Variants in SMG6 observed in about 807,000 individuals in gnomAD.
The protein encoded by SMG6 is SMG6 nonsense mediated mRNA decay factor, also known as telomerase-binding protein EST1A.
A neutral mutation model predicts 142.2 loss-of-function variants in SMG6; 66 were observed. The observed-to-expected ratio is 0.46, with a 90% confidence interval of 0.38 to 0.57. The LOEUF (loss-of-function observed/expected upper bound fraction) is 0.57, where lower values mean the gene tolerates loss of function less well. Among genes scored for constraint, SMG6 ranks in the 20% least tolerant of loss-of-function variants. The pLI is 0.00. For synonymous variants in SMG6, 779 were observed against 702.4 expected, an observed-to-expected ratio of 1.11 and a Z score of -1.72; for missense variants, 1,793 against 1,832.0, an observed-to-expected ratio of 0.98 and a Z score of 0.39.
At chr17:2,240,147 T>C (rs1454881746) in intron 9 of SMG6, 5 of 152,188 alleles carry the variant, frequency 3.3e-5, no homozygotes, top group Admixed American at 3.3e-4. Flanking sequence ...GAAGATACCA[T>C]CGTTTTCGGG....
At chr17:2,260,487 A>G (rs909859011) in intron 8 of SMG6, among the ~76,000 whole-genome samples, 1 of 152,218 alleles carries the variant, frequency 6.6e-6, no homozygotes, top group Non-Finnish European at 1.5e-5. Flanking sequence ...TCTGTAGTTC[A>G]AAAGTCAAAG....
At chr17:2,190,975 C>T (rs1298202641) in intron 10 of SMG6, among the ~76,000 whole-genome samples, 1 of 152,142 alleles carries the variant, frequency 6.6e-6, no homozygotes, top group Non-Finnish European at 1.5e-5. Context: ...GGCCATGTTA[C>T]CTAGAGCACC....
At chr17:2,091,611 G>A (rs1209633677) in intron 13 of SMG6, among the ~76,000 whole-genome samples, 1 of 151,922 alleles carries the variant, frequency 6.6e-6, no homozygotes, top group East Asian at 1.9e-4. Context: ...CCCTACCCCT[G>A]CTATAGCTGG....
At chr17:2,239,240 A>G (rs972838627) in intron 9 of SMG6, among the ~76,000 whole-genome samples, 1 of 152,218 alleles carries the variant, frequency 6.6e-6, no homozygotes, top group Non-Finnish European at 1.5e-5. Context: ...GAGGGCACAG[A>G]GTTAAAAGAA....
At chr17:2,230,338 G>GAAAAAAA (rs2073452742) in intron 10 of SMG6, among the ~76,000 whole-genome samples, 10 of 10,584 alleles carry the variant, frequency 9.4e-4, no homozygotes, top group African/African-American at 2.7e-3. Flanking sequence ...AAAAAAAAAG[G>GAAAAAAA]GAAAACCACA....
At chr17:2,095,846 A>AC (rs2068842533) in intron 13 of SMG6, among the ~76,000 whole-genome samples, 14 of 35,820 alleles carry the variant, frequency 3.9e-4, no homozygotes, top group South Asian at 2.6e-3. Flanking sequence ...TCGCCCACCC[A>AC]CCCCTCCCCC....
chr17:2,266,575 G>A (rs1448849765), intron 8 of SMG6, among the ~76,000 whole-genome samples: 2 of 152,214 alleles, frequency 1.3e-5, no homozygotes, highest in Non-Finnish European at 2.9e-5. Context: ...ACCCCAGAAA[G>A]ATGAAGAGTG....
At chr17:2,105,197 G>C (rs2069122922) in intron 13 of SMG6, among the ~76,000 whole-genome samples, 1 of 150,266 alleles carries the variant, frequency 6.7e-6, no homozygotes, top group Admixed American at 6.6e-5. Flanking sequence ...AAAGTGCTGG[G>C]ATTACAGGCG....
chr17:2,194,049 C>T (rs1228337432), intron 10 of SMG6, among the ~76,000 whole-genome samples: 1 of 152,200 alleles, frequency 6.6e-6, no homozygotes, highest in Non-Finnish European at 1.5e-5. Context: ...CCTCGGTCTC[C>T]CAAAGTGCTG....
intron 14 of SMG6, among the ~76,000 whole-genome samples, chr17:2,082,485 G>C (rs2068451758): frequency 6.6e-6 from 1 of 152,226 alleles, no homozygotes; most frequent in African/African-American, 2.4e-5. Flanking sequence ...CCTCGCCCTG[G>C]TTTCTTTTGA....
At chr17:2,212,667 A>C (rs2151749563) in intron 10 of SMG6, 1 of 152,416 alleles carries the variant, frequency 6.6e-6, no homozygotes, top group Admixed American at 6.5e-5. Context: ...CATAGGCATC[A>C]ACCGGGGATG....
At chr17:2,066,566 C>T (rs930600307) in intron 16 of SMG6, among the ~76,000 whole-genome samples, 9 of 150,184 alleles carry the variant, frequency 6.0e-5, no homozygotes, top group Non-Finnish European at 8.9e-5. Flanking sequence ...CTCAGGGAGC[C>T]GGCGTGAGCA....
chr17:2,194,515 T>A (rs1227647962), intron 10 of SMG6, among the ~76,000 whole-genome samples: 1 of 151,818 alleles, frequency 6.6e-6, no homozygotes, highest in South Asian at 2.1e-4. Flanking sequence ...GAAGAGGGAA[T>A]GAAAAGCAGT....
In SMG6 at chr17:2,070,150, CGA is replaced by C. The variant is rs1225159708; in HGVS notation, c.3682-1221_3682-1220del. ...CTTTCACATTTCTCAGGGAAGTTCCCGAGAGATGCACATTTGCAAAAGCCTGA... is the reference window on the plus strand; with the variant it reads ...CTTTCACATTTCTCAGGGAAGTTCCCGAGATGCACATTTGCAAAAGCCTGA... On this transcript the variant is annotated intron_variant, in intron 15 of 18. Transcript: ENST00000263073. Among the ~76,000 whole-genome samples the C allele has an allele frequency of 8.5e-5, 13 of 152,314 alleles. 1 individual carries two copies. Among genetic ancestry groups the C allele is most frequent in the Middle Eastern group, 3.4e-3 (1 of 294 alleles).
At chr17:2,224,844 A>C (rs2073271395) in intron 10 of SMG6, among the ~76,000 whole-genome samples, 1 of 152,210 alleles carries the variant, frequency 6.6e-6, no homozygotes, top group South Asian at 2.1e-4. Context: ...GGAACATCAA[A>C]GATTTTAAAA....
chr17:2,216,596 C>T (rs1171436559), intron 10 of SMG6, among the ~76,000 whole-genome samples: 1 of 152,180 alleles, frequency 6.6e-6, no homozygotes, highest in Non-Finnish European at 1.5e-5. Context: ...ACTCTTTATA[C>T]ATTTTCAGAC....
At chr17:2,097,595 GA>G (rs1432750528) in intron 13 of SMG6, among the ~76,000 whole-genome samples, 1 of 152,102 alleles carries the variant, frequency 6.6e-6, no homozygotes, top group African/African-American at 2.4e-5. Context: ...TTTAAACCCA[GA>G]TCTGCCTCCC....
Position 2,172,649 on chromosome 17 carries a change from G to A in SMG6, c.3357+9C>T, listed in dbSNP as rs1051343167. 6.2e-7 allele frequency: 1 copy of A among 1,612,702 alleles called. No homozygotes were observed. The highest frequency in any genetic ancestry group is 1.3e-5 in the African/African-American group (1 of 74,854). ...GCGAATGGGGAGGGATGTTTGGCCT[G>A]GGGCTGACCTTATCCGAGGTTTTCT... On this transcript the variant is annotated intron_variant, in intron 13 of 18. Coordinates refer to ENST00000263073, the MANE Select transcript of SMG6 (RefSeq NM_017575.5).
intron 13 of SMG6, among the ~76,000 whole-genome samples, chr17:2,120,722 G>T (rs2069662144): frequency 6.6e-6 from 1 of 151,894 alleles, no homozygotes; most frequent in Non-Finnish European, 1.5e-5. Context: ...GACCCTGTCT[G>T]AAAAAACAAA....
Sources: gnomAD v4.1 joint callset for allele counts (sites outside exome capture counted in the v4.1 genomes callset) on GRCh38, gnomAD v4.1.1 for gene constraint, MANE v1.5 for transcripts, NCBI Gene and HGNC (gene_info 2026-07-23, HGNC 2026-07-21) for gene names.